The following ZNF397 variants were observed in gnomAD, a reference collection of about 807,000 sequenced individuals.
ZNF397 encodes the protein zinc finger and SCAN domain-containing protein 15.
Under a neutral mutation model 50.6 loss-of-function variants are expected in ZNF397, and 38 were observed. That is an observed-to-expected ratio of 0.75 (90% CI 0.58 to 0.98). The LOEUF (loss-of-function observed/expected upper bound fraction) is 0.98, where lower values mean the gene tolerates loss of function less well. Among genes scored for constraint, ZNF397 ranks in the 50% least tolerant of loss-of-function variants. The probability of loss-of-function intolerance (pLI) is 0.00; values close to 1 mark genes in which losing one functional copy is unlikely to be tolerated. For missense variants in ZNF397, 624 were observed against 624.1 expected (o/e 1.00, Z 0.00); for synonymous variants, 228 against 215.2 (o/e 1.06, Z -0.52).
chr18:35,245,834 G>T lies in ZNF397; in HGVS notation c.1129G>T (p.Ala377Ser). The T allele has an allele frequency of 1.3e-6, 2 of 1,552,506 alleles. No individual in the cohort carries two copies. Among genetic ancestry groups the T allele is most frequent in the Middle Eastern group, 3.3e-4 (2 of 5,998 alleles). ...TTGTAAATGTAATGAGTGTGGCAAA[G>T]CATTCAGTCAAAGTTCATATCTCAT... The part of the protein sequence containing the change: ...KACKCNECGK[A>S]FSQSSYLIIH... The change falls in exon 4 of 4, where the codon GCA becomes TCA. Residue 377 changes from alanine (A) to serine (S), a missense_variant. By Grantham distance (99) the Ala-to-Ser change is moderately conservative. Transcript: ENST00000330501.
Position 35,241,047 on chromosome 18 carries a change from CG to C in ZNF397, c.-141del, listed in dbSNP as rs1912433968. ...GCGGAACACTGCGTACGCGCACTTC[CG>C]GTCTTTGTGGCTTGCAGCTCGGGGT... is the stretch of plus-strand genomic sequence containing the variant. On this transcript the variant is annotated 5_prime_UTR_variant, in exon 1 of 4. Transcript: ENST00000330501. 6.6e-6 allele frequency: 1 copy of C among 152,376 alleles called. No individual in the cohort carries two copies. Among genetic ancestry groups the C allele is most frequent in the African/African-American group, 2.4e-5 (1 of 41,464 alleles). 9.4% of individuals were successfully genotyped at this position (152,376 alleles called of 1,614,324 possible).
rs952515407 is a variant in ZNF397 at position 35,247,790 on chromosome 18, C to T, written c.*1480C>T. 3 of 150,340 alleles carry T rather than the reference C, an allele frequency of 2.0e-5. No individual in the cohort carries two copies. The highest frequency in any genetic ancestry group is 7.4e-5 in the African/African-American group (3 of 40,648). The allele number at this position is 150,340 out of a possible 1,614,324, so 9.3% of individuals were successfully genotyped here. A position where few individuals can be genotyped will look rare whatever the true frequency, so the allele number is the denominator to read the frequency against. ...GGTTCAAGCGATTCTCCTGCCTCAG[C>T]CTTCTGAGTAGCTGGGATTACAGGC... On this transcript the variant is annotated 3_prime_UTR_variant, in exon 4 of 4. Coordinates refer to ENST00000330501, the MANE Select transcript of ZNF397 (RefSeq NM_001135178.3).
chr18:35,242,321 C>T (rs1001760760), intron 1 of ZNF397, 70 bp from the exon 2 acceptor site: 16 of 679,442 alleles, frequency 2.4e-5, no homozygotes, highest in African/African-American at 1.6e-4. Flanking sequence ...TAAAGTTACT[C>T]ATCTTTCTTA....
downstream of ZNF397, chr18:35,253,646 T>C (rs773835198): frequency 6.2e-7 from 1 of 1,614,010 alleles, no homozygotes; most frequent in East Asian, 2.2e-5. Context: ...TCTTTGATGT[T>C]CAATAAGGAT....
At position 35,249,241 on chromosome 18, in the gene ZNF397, A is replaced by G. The variant is rs989949109; in HGVS notation, c.*2931A>G. The G allele has an allele frequency of 6.6e-6, 1 of 152,222 alleles. No homozygotes were observed. The highest frequency in any genetic ancestry group is 1.5e-5 in the Non-Finnish European group (1 of 68,046). 9.4% of individuals were successfully genotyped at this position (152,222 alleles called of 1,614,324 possible). A position where few individuals can be genotyped will look rare whatever the true frequency, so the allele number is the denominator to read the frequency against. On this transcript the variant is annotated 3_prime_UTR_variant, in exon 4 of 4. Transcript: ENST00000330501. ...GGTAAGACATGAATAAATACATACC[A>G]TCTCTGGCAATCAATACCAGAAGCT... is the stretch of plus-strand genomic sequence containing the variant.
At chr18:35,251,629 G>A (rs901163053), downstream of ZNF397, 5 of 152,112 alleles carry the variant, frequency 3.3e-5, no homozygotes, top group Admixed American at 2.0e-4. Flanking sequence ...TTGTTCTCAT[G>A]ATAGTGAATT....
Position 35,246,247 on chromosome 18 carries a change from T to C in ZNF397, c.1542T>C (p.Cys514=). 1 of 1,552,236 alleles carries C rather than the reference T, an allele frequency of 6.4e-7. No individual in the cohort carries two copies. The highest frequency in any genetic ancestry group is 8.7e-7 in the Non-Finnish European group (1 of 1,147,102). ...ATGAAGCTTATATATGTAATGAATG[T>C]GGGAAGGCTTTCAGGCACAGATCGG... ...SGDEAYICNE[C]GKAFRHRSVL... The change falls in exon 4 of 4, where the codon TGT becomes TGC. Residue 514 remains cysteine (C), a synonymous_variant. Transcript: ENST00000330501.
At position 35,245,557 on chromosome 18, in the gene ZNF397, T is replaced by G. The variant is rs1290038164; in HGVS notation, c.852T>G (p.Pro284=). The G allele has an allele frequency of 6.4e-7, 1 of 1,552,514 alleles. No individual in the cohort carries two copies. ...MCQKVPPEER[P]YRCDVCGHSF... Reference sequence around the variant, plus strand: ...AGAAAGTTCCTCCAGAAGAGAGACCTTATAGATGTGATGTATGTGGGCACA... The same window carrying G: ...AGAAAGTTCCTCCAGAAGAGAGACCGTATAGATGTGATGTATGTGGGCACA... Residue 284 remains proline, a synonymous_variant, in exon 4 of 4, where the codon CCT becomes CCG. Coordinates refer to ENST00000330501, the MANE Select transcript of ZNF397 (RefSeq NM_001135178.3).
downstream of ZNF397, chr18:35,253,391 GTC>G: frequency 6.9e-7 from 1 of 1,441,632 alleles, no homozygotes; most frequent in South Asian, 1.4e-5. Context: ...TTTCTGTGGA[GTC>G]TCACCCCTAC....
intron 1 of ZNF397, 157 bp downstream of exon 1, chr18:35,241,266 C>T (rs1201535243): frequency 6.6e-6 from 1 of 152,236 alleles, no homozygotes; most frequent in Non-Finnish European, 1.5e-5. Flanking sequence ...GAGGCCAGCA[C>T]TCAAACTCCT....
exon 6 of ZNF397, chr18:35,257,966 A>C (rs758352735): frequency 1.4e-5 from 11 of 780,928 alleles, no homozygotes; most frequent in Non-Finnish European, 2.4e-5. Context: ...AATCACCTGC[A>C]CCCAAATCTC....
At chr18:35,251,059 A>G (rs2043574267), downstream of ZNF397, 3 of 152,152 alleles carry the variant, frequency 2.0e-5, no homozygotes, top group East Asian at 3.9e-4. Context: ...TTTCAAAGCA[A>G]ACTTTTAAAA....
downstream of ZNF397, chr18:35,254,119 G>A: frequency 1.2e-6 from 2 of 1,614,108 alleles, no homozygotes; most frequent in Non-Finnish European, 1.7e-6. Flanking sequence ...GAGATTCAAG[G>A]ACACTGTGTT....
Position 35,245,703 on chromosome 18 carries a change from G to T in ZNF397, c.998G>T (p.Arg333Ile), listed in dbSNP as rs1376221574. The change falls in exon 4 of 4, where the codon AGA (arginine) becomes ATA (isoleucine). Residue 333 changes from arginine (R) to isoleucine (I), a missense_variant. Physicochemically the swap from Arg to Ile is moderately conservative, Grantham distance 97. Transcript: ENST00000330501. ...SLRSYLIIHQ[R>I]IHSGEKAYEC... ...AGGTCCTATCTTATTATTCATCAGA[G>T]AATTCATAGTGGTGAGAAAGCATAT... 1 of 1,552,158 alleles carries T rather than the reference G, an allele frequency of 6.4e-7. No individual in the cohort carries two copies. Among genetic ancestry groups the T allele is most frequent in the Non-Finnish European group, 8.7e-7 (1 of 1,147,202 alleles).
In ZNF397 at chr18:35,248,500, C is replaced by T. The variant is rs555164878; in HGVS notation, c.*2190C>T. On this transcript the variant is annotated 3_prime_UTR_variant, in exon 4 of 4. Coordinates refer to ENST00000330501, the MANE Select transcript of ZNF397 (RefSeq NM_001135178.3). ...AGGACGTAAAGTAGGAATTGTAAAA[C>T]GGAAATACTCTTTATATAAGAAAGC... 8 of 152,232 alleles carry T rather than the reference C, an allele frequency of 5.3e-5. No homozygotes were observed. The highest frequency in any genetic ancestry group is 1.7e-4 in the African/African-American group (7 of 41,552). The allele number at this position is 152,232 out of a possible 1,614,324, so 9.4% of individuals were successfully genotyped here. A position where few individuals can be genotyped will look rare whatever the true frequency, so the allele number is the denominator to read the frequency against.
At position 35,245,150 on chromosome 18, in the gene ZNF397, T is replaced by C; in HGVS notation, c.557-112T>C. The C allele has an allele frequency of 2.2e-6, 3 of 1,374,032 alleles. No homozygotes were observed. The South Asian group carries it at 4.9e-5, about 22-fold the overall frequency. 85.1% of individuals were successfully genotyped at this position (1,374,032 alleles called of 1,614,324 possible). Reference sequence around the variant, plus strand: ...TTTGGCCAGTTGAAAAAAAAGATACTGGAGGACAGTGACATCTTTGTAGGT... The same window carrying C: ...TTTGGCCAGTTGAAAAAAAAGATACCGGAGGACAGTGACATCTTTGTAGGT... On this transcript the variant is annotated intron_variant, in intron 3 of 3. Transcript: ENST00000330501.
At chr18:35,244,777 G>C (rs115392555) in intron 3 of ZNF397, among the ~76,000 whole-genome samples, 93 of 149,696 alleles carry the variant, frequency 6.2e-4, no homozygotes, top group Non-Finnish European at 1.1e-3. Context: ...GGTGGGGGGC[G>C]GGGGAGGACA....
intron 3 of ZNF397, among the ~76,000 whole-genome samples, chr18:35,245,042 CAGTT>C (rs1026063384): frequency 2.6e-4 from 40 of 152,102 alleles, no homozygotes; most frequent in African/African-American, 9.6e-4. Context: ...GGTAATTTAT[CAGTT>C]GATGTCTCAA....
Position 35,242,511 on chromosome 18 carries a change from A to G in ZNF397, c.41A>G (p.Gln14Arg). The G allele has an allele frequency of 6.2e-7, 1 of 1,614,112 alleles. No individual in the cohort carries two copies. Among genetic ancestry groups the G allele is most frequent in the African/African-American group, 1.3e-5 (1 of 75,060 alleles). ...GGAGTGATTTCAACCCTGATACCTCAGGATCCTCCGGAACAAGAACTAATA... is the reference window on the plus strand; with the variant it reads ...GGAGTGATTTCAACCCTGATACCTCGGGATCCTCCGGAACAAGAACTAATA... Reference protein sequence around the residue: ...ESGVISTLIPQDPPEQELILV... With the variant: ...ESGVISTLIPRDPPEQELILV... Residue 14 changes from glutamine (Q) to arginine (R), a missense_variant, in exon 2 of 4, where the codon CAG (glutamine) becomes CGG (arginine). By Grantham distance (43) the Gln-to-Arg change is conservative (BLOSUM62 1). Transcript: ENST00000330501.
Sources: gnomAD v4.1 joint callset for allele counts (sites outside exome capture counted in the v4.1 genomes callset) on GRCh38, gnomAD v4.1.1 for gene constraint, MANE v1.5 for transcripts, NCBI Gene and HGNC (gene_info 2026-07-23, HGNC 2026-07-21) for gene names.